Variants in FOXP1 observed in about 807,000 individuals in gnomAD.
FOXP1 encodes forkhead box P1.
A neutral mutation model predicts 98.2 loss-of-function variants in FOXP1; 15 were observed. The observed-to-expected ratio is 0.15, with a 90% CI of 0.10 to 0.24. FOXP1 has a LOEUF of 0.24. Among genes scored for constraint, FOXP1 ranks in the 10% least tolerant of loss-of-function variants. FOXP1 has a pLI of 1.00. For synonymous variants in FOXP1, 371 were observed against 314.5 expected (o/e 1.18, Z -1.90); for missense variants, 633 against 848.5 (o/e 0.75, Z 3.15).
chr3:71,511,081 T>C (rs2107320112), intron 2 of FOXP1, among the ~76,000 whole-genome samples: 1 of 152,334 alleles, frequency 6.6e-6, no homozygotes, highest in Admixed American at 6.5e-5. Flanking sequence ...AAAAGGCTTT[T>C]CTTTCCATTA....
intron 5 of FOXP1, among the ~76,000 whole-genome samples, chr3:71,279,995 C>A (rs1284789436): frequency 1.3e-5 from 2 of 151,648 alleles, no homozygotes; most frequent in Non-Finnish European, 1.5e-5. Flanking sequence ...TGGTGATGGG[C>A]GCCTGTAGTC....
chr3:71,005,164 A>G (rs988011148), intron 12 of FOXP1, among the ~76,000 whole-genome samples: 2 of 151,914 alleles, frequency 1.3e-5, no homozygotes, highest in Non-Finnish European at 2.9e-5. Flanking sequence ...AGACTGCCCT[A>G]GTTTCCATTA....
At chr3:71,328,208 T>C (rs1220632158) in intron 4 of FOXP1, among the ~76,000 whole-genome samples, 1 of 152,086 alleles carries the variant, frequency 6.6e-6, no homozygotes, top group Admixed American at 6.5e-5. Context: ...GGCGGGCAGA[T>C]GGCCAAGCCC....
At chr3:71,049,348 C>A (rs975148730) in intron 9 of FOXP1, among the ~76,000 whole-genome samples, 4 of 152,026 alleles carry the variant, frequency 2.6e-5, no homozygotes, top group African/African-American at 9.7e-5. Context: ...TTTTGTAGCT[C>A]GATTTAAAAT....
At chr3:71,556,433 C>T (rs1296737169) in intron 2 of FOXP1, among the ~76,000 whole-genome samples, 2 of 151,858 alleles carry the variant, frequency 1.3e-5, no homozygotes, top group African/African-American at 2.4e-5. Flanking sequence ...AAAAATTAGC[C>T]GGGCGTGGTG....
intron 3 of FOXP1, among the ~76,000 whole-genome samples, chr3:71,376,985 TC>T (rs1368634061): frequency 2.0e-5 from 3 of 152,312 alleles, no homozygotes; most frequent in Admixed American, 6.5e-5. Flanking sequence ...TGAGTCTTCA[TC>T]TTCTTTTATT....
At chr3:71,410,939 G>A (rs995111988) in intron 3 of FOXP1, among the ~76,000 whole-genome samples, 4 of 152,078 alleles carry the variant, frequency 2.6e-5, no homozygotes, top group South Asian at 2.1e-4. Context: ...GCCTTATCAC[G>A]CGTGGCTTCA....
chr3:71,202,488 C>T (rs1376249229), intron 5 of FOXP1, among the ~76,000 whole-genome samples: 1 of 152,172 alleles, frequency 6.6e-6, no homozygotes, highest in Non-Finnish European at 1.5e-5. Context: ...ATCTGTATCA[C>T]ACTTCACAAA....
At chr3:71,446,942 CTTCAATGGA>C (rs1202621096) in intron 3 of FOXP1, among the ~76,000 whole-genome samples, 1 of 152,232 alleles carries the variant, frequency 6.6e-6, no homozygotes, top group Non-Finnish European at 1.5e-5. Context: ...CAGGCAGTTG[CTTCAATGGA>C]TTCAATGGAT....
intron 3 of FOXP1, among the ~76,000 whole-genome samples, chr3:71,458,786 G>T (rs536523748): frequency 2.0e-5 from 3 of 152,094 alleles, no homozygotes; most frequent in African/African-American, 7.2e-5. Flanking sequence ...AATTACACAG[G>T]TATAATTATT....
chr3:71,427,136 G>T (rs1244086605), intron 3 of FOXP1, among the ~76,000 whole-genome samples: 2 of 151,036 alleles, frequency 1.3e-5, no homozygotes, highest in Non-Finnish European at 2.9e-5. Flanking sequence ...GTCTCTCTTG[G>T]TTTATTTATT....
chr3:71,382,720 A>C (rs992834805), intron 3 of FOXP1, among the ~76,000 whole-genome samples: 28 of 152,186 alleles, frequency 1.8e-4, no homozygotes, highest in African/African-American at 6.8e-4. Flanking sequence ...CCTGCAGCCT[A>C]CCTACTAAGG....
intron 7 of FOXP1, among the ~76,000 whole-genome samples, chr3:71,095,145 C>A (rs2056331212): frequency 6.6e-6 from 1 of 152,200 alleles, no homozygotes; most frequent in African/African-American, 2.4e-5. Context: ...TGTACATTTT[C>A]AAAATTACTG....
chr3:71,125,973 C>T (rs560027515), intron 6 of FOXP1, among the ~76,000 whole-genome samples: 2 of 152,198 alleles, frequency 1.3e-5, no homozygotes, highest in Admixed American at 1.3e-4. Flanking sequence ...ACTGAAAGTA[C>T]CTATGTCAAA....
At chr3:71,272,630 T>A (rs1363483231) in intron 5 of FOXP1, among the ~76,000 whole-genome samples, 6 of 151,692 alleles carry the variant, frequency 4.0e-5, no homozygotes, top group Non-Finnish European at 5.9e-5. Context: ...AGAAATTCAT[T>A]TCTCAGTCCT....
intron 7 of FOXP1, among the ~76,000 whole-genome samples, chr3:71,097,631 C>CTT (rs539476082): frequency 3.1e-4 from 47 of 152,260 alleles, no homozygotes; most frequent in Admixed American, 2.9e-3. Flanking sequence ...TTGACAGTAC[C>CTT]TTTAAATGTC....
chr3:71,141,646 G>A (rs1355457333), intron 6 of FOXP1, among the ~76,000 whole-genome samples: 1 of 152,180 alleles, frequency 6.6e-6, no homozygotes, highest in Non-Finnish European at 1.5e-5. Flanking sequence ...TCTAGGCACT[G>A]GGCCTAGGAG....
chr3:71,537,893 G>T (rs1216993541), intron 2 of FOXP1, among the ~76,000 whole-genome samples: 1 of 152,166 alleles, frequency 6.6e-6, no homozygotes, highest in Non-Finnish European at 1.5e-5. Context: ...GGTGACACAT[G>T]AACACGATGT....
At chr3:71,080,393 T>C (rs918726257) in intron 7 of FOXP1, among the ~76,000 whole-genome samples, 1 of 152,172 alleles carries the variant, frequency 6.6e-6, no homozygotes, top group African/African-American at 2.4e-5. Context: ...TACATAAAGA[T>C]AGCCAGTTAA....
Sources: allele counts gnomAD v4.1 joint callset (sites outside exome capture counted in the v4.1 genomes callset), GRCh38; gene constraint gnomAD v4.1.1; transcripts MANE v1.5; gene names NCBI Gene and HGNC (gene_info 2026-07-23, HGNC 2026-07-21).